ZNF469: variants seen among roughly 807,000 people sequenced by gnomAD.
The protein encoded by ZNF469 is zinc finger protein 469.
A neutral mutation model predicts 1.0 loss-of-function variants in ZNF469; 1 was observed. That is an observed-to-expected ratio of 1.00 (90% confidence interval 0.35 to 4.73). ZNF469 has a LOEUF of 4.73. ZNF469 is among the 30% of genes most tolerant of loss of function. ZNF469 has a pLI of 0.16. For synonymous variants in ZNF469, 2,703 were observed against 2,363.4 expected, an observed-to-expected ratio of 1.14 and a Z score of -4.17; for missense variants, 6,100 against 5,356.3, an observed-to-expected ratio of 1.14 and a Z score of -4.33.
At chr16:88,200,658 A>C in the ZNF469 span, among the ~76,000 whole-genome samples, 1 of 152,362 alleles carries the variant, frequency 6.6e-6, no homozygotes, top group Middle Eastern at 3.4e-3. Flanking sequence ...GGCGGCCCAG[A>C]CCAGGGACCA....
the ZNF469 span, among the ~76,000 whole-genome samples, chr16:88,332,400 C>T: frequency 6.6e-6 from 1 of 152,236 alleles, no homozygotes; most frequent in Non-Finnish European, 1.5e-5. Flanking sequence ...GCCGTCACCG[C>T]GTGCCCTGCC....
At chr16:88,130,460 G>C in the ZNF469 span, among the ~76,000 whole-genome samples, 1 of 152,102 alleles carries the variant, frequency 6.6e-6, no homozygotes, top group Non-Finnish European at 1.5e-5. Flanking sequence ...GGTTACAAAG[G>C]GAGTGGAGGC....
At chr16:88,136,966 A>T in the ZNF469 span, among the ~76,000 whole-genome samples, 1 of 152,238 alleles carries the variant, frequency 6.6e-6, no homozygotes, top group Non-Finnish European at 1.5e-5. Context: ...GCATGTATGT[A>T]ACTATGGATG....
At chr16:88,207,622 G>T in the ZNF469 span, among the ~76,000 whole-genome samples, 2 of 151,340 alleles carry the variant, frequency 1.3e-5, no homozygotes, top group East Asian at 4.0e-4. Context: ...TTCAAAATCA[G>T]CCTCCCCTAG....
the ZNF469 span, among the ~76,000 whole-genome samples, chr16:88,300,010 C>T: frequency 1.2e-3 from 185 of 152,238 alleles, 1 homozygote; most frequent in African/African-American, 4.2e-3. Context: ...AGGCAGCGCA[C>T]GGCACGGCTA....
the ZNF469 span, among the ~76,000 whole-genome samples, chr16:88,257,068 C>G: frequency 1.3e-5 from 2 of 150,300 alleles, no homozygotes; most frequent in African/African-American, 2.4e-5. Context: ...CCTGCCTCAG[C>G]CTCCTGAGTA....
chr16:88,153,555 A>G, the ZNF469 span, among the ~76,000 whole-genome samples: 1 of 152,250 alleles, frequency 6.6e-6, no homozygotes. Context: ...TTATGGGGAC[A>G]CAAATGGCAC....
chr16:88,434,460 T>A lies in ZNF469; in HGVS notation c.6990T>A (p.Ser2330=), dbSNP rs1169739826. ...DRMPRGHSSY[S]PSNTARLGHR... ...TGCCCAGGGGCCACTCCTCGTATTC[T>A]CCAAGCAATACTGCCCGCCTCGGCC... The change falls in exon 3 of 3, where the codon TCT becomes TCA. Residue 2330 remains serine (S), a synonymous_variant. Coordinates refer to ENST00000565624, the MANE Select transcript of ZNF469 (RefSeq NM_001367624.2). 1.9e-6 allele frequency: 3 copies of A among 1,549,756 alleles called. No homozygotes were observed. The highest frequency in any genetic ancestry group is 2.6e-6 in the Non-Finnish European group (3 of 1,146,888).
At chr16:88,309,549 G>A in the ZNF469 span, among the ~76,000 whole-genome samples, 1 of 144,380 alleles carries the variant, frequency 6.9e-6, no homozygotes, top group East Asian at 2.0e-4. Flanking sequence ...ACACCTGATG[G>A]GGGGAGTACC....
At chr16:88,227,834 G>T in the ZNF469 span, among the ~76,000 whole-genome samples, 186 of 152,320 alleles carry the variant, frequency 1.2e-3, 4 homozygotes, top group South Asian at 0.026. Flanking sequence ...CCGGCCCAGG[G>T]GTGCCAGCCG....
chr16:88,432,844 G>T lies in ZNF469; in HGVS notation c.5374G>T (p.Ala1792Ser). 1 of 1,550,126 alleles carries T rather than the reference G, an allele frequency of 6.5e-7. No homozygotes were observed. The highest frequency in any genetic ancestry group is 1.2e-5 in the South Asian group (1 of 84,042). ...AGACCAGCCCCACCGAGGGGCCCCT[G>T]CTCCAGAAGCTTTTGGCAGCCCTGC... ...TADQPHRGAP[A>S]PEAFGSPAVH... is the part of the protein sequence containing the mutation. Residue 1792 changes from alanine (A) to serine (S), a missense_variant, in exon 3 of 3, where the codon GCT (alanine) becomes TCT (serine). Transcript: ENST00000565624.
chr16:88,239,693 ATATATATATATATATATATATATTTTTT>A, the ZNF469 span, among the ~76,000 whole-genome samples: 12 of 8,616 alleles, frequency 1.4e-3, 1 homozygote, highest in Admixed American at 7.3e-3. Flanking sequence ...ATATATATAT[ATATATATATATATATATATATATTTTTT>A]TTTTTTTTTT....
the ZNF469 span, among the ~76,000 whole-genome samples, chr16:88,175,651 C>T: frequency 2.1e-4 from 32 of 152,268 alleles, no homozygotes; most frequent in African/African-American, 6.3e-4. Context: ...TGCGTGAAAA[C>T]GGAAATGCAA....
chr16:88,409,542 C>T (rs1905090320), intron 1 of ZNF469, among the ~76,000 whole-genome samples: 1 of 152,118 alleles, frequency 6.6e-6, no homozygotes, highest in Non-Finnish European at 1.5e-5. Context: ...AAGAGACCCT[C>T]ACCAGGGGCA....
chr16:88,341,863 T>C, the ZNF469 span, among the ~76,000 whole-genome samples: 2 of 151,776 alleles, frequency 1.3e-5, no homozygotes, highest in East Asian at 1.9e-4. Context: ...TCATGATGGG[T>C]CCAGGGCCAG....
intron 1 of ZNF469, among the ~76,000 whole-genome samples, chr16:88,421,442 C>T (rs1905453873): frequency 6.6e-6 from 1 of 152,222 alleles, no homozygotes; most frequent in African/African-American, 2.4e-5. Context: ...CTGCCAAGAG[C>T]CTTGGCGGGG....
the ZNF469 span, among the ~76,000 whole-genome samples, chr16:88,298,980 G>A: frequency 2.0e-5 from 3 of 152,220 alleles, no homozygotes; most frequent in African/African-American, 7.2e-5. Flanking sequence ...GCTTGCCCGG[G>A]GAACCTAGGC....
chr16:88,312,867 C>T, the ZNF469 span, among the ~76,000 whole-genome samples: 6 of 152,202 alleles, frequency 3.9e-5, no homozygotes, highest in African/African-American at 7.2e-5. Flanking sequence ...CATGCTGGTG[C>T]GCCATGGACT....
the ZNF469 span, among the ~76,000 whole-genome samples, chr16:88,206,935 CG>C: frequency 1.3e-3 from 1 of 790 alleles, no homozygotes; most frequent in African/African-American, 4.5e-3. Context: ...GGAGGGAGGC[CG>C]CGGGGACGGA....
Sources: allele counts gnomAD v4.1 joint callset (sites outside exome capture counted in the v4.1 genomes callset), GRCh38; gene constraint gnomAD v4.1.1; transcripts MANE v1.5; gene names NCBI Gene and HGNC (gene_info 2026-07-23, HGNC 2026-07-21).